Variants in RBFOX1 observed in about 807,000 individuals in gnomAD.
RBFOX1 encodes RNA binding protein fox-1 homolog 1.
RBFOX1 carries 8 observed loss-of-function variants against 57.7 expected under a neutral mutation model. The observed-to-expected ratio is 0.14, with a 90% CI of 0.08 to 0.25. The LOEUF is 0.25. RBFOX1 is among the 10% of genes least tolerant of loss of function. The probability of loss-of-function intolerance (pLI) is 1.00; values close to 1 mark genes in which losing one functional copy is unlikely to be tolerated. For missense variants in RBFOX1, 611 were observed against 548.5 expected, an observed-to-expected ratio of 1.11 and a Z score of -1.14; for synonymous variants, 326 against 222.4, an observed-to-expected ratio of 1.47 and a Z score of -4.15.
At chr16:6,632,367 G>A (rs1486344157) in intron 2 of RBFOX1, among the ~76,000 whole-genome samples, 1 of 152,056 alleles carries the variant, frequency 6.6e-6, no homozygotes, top group Non-Finnish European at 1.5e-5. Flanking sequence ...ACTTGTTGGA[G>A]AAACAAAAGG....
At chr16:7,574,250 G>C (rs2093085744) in intron 5 of RBFOX1, among the ~76,000 whole-genome samples, 1 of 152,138 alleles carries the variant, frequency 6.6e-6, no homozygotes, top group Non-Finnish European at 1.5e-5. Flanking sequence ...GCTGGAGAGA[G>C]GAAGACTTAA....
rs577941453 is a variant in RBFOX1, at chr16:7,083,484, C to G, written c.27+31386C>G. On this transcript the variant is annotated intron_variant, in intron 4 of 15. Coordinates refer to ENST00000550418, the MANE Select transcript of RBFOX1 (RefSeq NM_018723.4). ...TAAAAAAACAAGAAATGACACATAC[C>G]AATCCACTGGTGTATCAGAGGCCAT... is the stretch of plus-strand genomic sequence containing the variant. 2.6e-5 allele frequency among the ~76,000 whole-genome samples: 4 copies of G among 152,038 alleles called. No homozygotes were observed. In the East Asian group the frequency reaches 7.8e-4, roughly 30 times the overall value.
intron 4 of RBFOX1, among the ~76,000 whole-genome samples, chr16:7,213,599 A>T (rs776490103): frequency 1.3e-5 from 2 of 151,670 alleles, no homozygotes; most frequent in East Asian, 1.9e-4. Context: ...ATTCCCTTGG[A>T]GTATGATGGG....
intron 1 of RBFOX1, among the ~76,000 whole-genome samples, chr16:6,297,770 A>C (rs1189092397): frequency 6.6e-6 from 1 of 152,152 alleles, no homozygotes; most frequent in East Asian, 1.9e-4. Flanking sequence ...GGCATGGCAG[A>C]AAGAAGAGAG....
At chr16:5,363,972 C>T (rs2065631953) in intron 1 of RBFOX1, among the ~76,000 whole-genome samples, 1 of 152,202 alleles carries the variant, frequency 6.6e-6, no homozygotes, top group Non-Finnish European at 1.5e-5. Context: ...TCAGATCCTT[C>T]ATCCAGTGTG....
intron 3 of RBFOX1, among the ~76,000 whole-genome samples, chr16:7,006,160 A>T (rs945146910): frequency 8.6e-4 from 130 of 150,812 alleles, no homozygotes; most frequent in African/African-American, 2.4e-3. Context: ...TTATTTATTT[A>T]TTTTTTTTTG....
chr16:5,440,332 G>A (rs2068046607), intron 1 of RBFOX1, among the ~76,000 whole-genome samples: 1 of 152,058 alleles, frequency 6.6e-6, no homozygotes, highest in Admixed American at 6.6e-5. Context: ...CTTCAACTTT[G>A]ACTAGAAAGA....
At chr16:6,834,982 T>C (rs993365519) in intron 3 of RBFOX1, among the ~76,000 whole-genome samples, 11 of 150,718 alleles carry the variant, frequency 7.3e-5, no homozygotes, top group Admixed American at 3.3e-4. Flanking sequence ...AAGCTTCATC[T>C]CCCAGGTTCA....
At chr16:7,004,340 A>C (rs769991467) in intron 3 of RBFOX1, among the ~76,000 whole-genome samples, 1 of 152,160 alleles carries the variant, frequency 6.6e-6, no homozygotes, top group African/African-American at 2.4e-5. Context: ...TAAACTCCTC[A>C]ACATCAGGGT....
intron 2 of RBFOX1, among the ~76,000 whole-genome samples, chr16:6,624,600 A>C (rs375551756): frequency 1.3e-5 from 2 of 152,156 alleles, no homozygotes; most frequent in African/African-American, 4.8e-5. Context: ...ACTGTACCCT[A>C]AAAGTAGCCA....
chr16:7,240,400 G>A (rs1351645237), intron 4 of RBFOX1, among the ~76,000 whole-genome samples: 1 of 152,166 alleles, frequency 6.6e-6, no homozygotes, highest in East Asian at 1.9e-4. Flanking sequence ...GTGATCATCT[G>A]AAGCCCTTAC....
At chr16:6,241,686 G>C (rs569335933) in intron 1 of RBFOX1, among the ~76,000 whole-genome samples, 1 of 152,294 alleles carries the variant, frequency 6.6e-6, no homozygotes, top group Admixed American at 6.5e-5. Flanking sequence ...CACTGATACT[G>C]AGGAAATAAA....
intron 1 of RBFOX1, among the ~76,000 whole-genome samples, chr16:5,408,009 C>T (rs572451948): frequency 6.6e-6 from 1 of 152,242 alleles, no homozygotes; most frequent in African/African-American, 2.4e-5. Flanking sequence ...GGCTTTGTGT[C>T]CTCCACCTCC....
chr16:6,914,306 G>A (rs974238520), intron 3 of RBFOX1, among the ~76,000 whole-genome samples: 5 of 152,118 alleles, frequency 3.3e-5, no homozygotes, highest in African/African-American at 1.2e-4. Flanking sequence ...GGGCTAGGAG[G>A]GACCTTAGTG....
At chr16:7,122,352 A>G (rs1254666473) in intron 4 of RBFOX1, among the ~76,000 whole-genome samples, 1 of 152,192 alleles carries the variant, frequency 6.6e-6, no homozygotes, top group Non-Finnish European at 1.5e-5. Flanking sequence ...TTGAATAGTC[A>G]CTTCACTTAG....
chr16:6,269,996 A>G (rs377447845), intron 1 of RBFOX1, among the ~76,000 whole-genome samples: 5 of 152,150 alleles, frequency 3.3e-5, no homozygotes, highest in African/African-American at 9.6e-5. Context: ...CTTCATTCAA[A>G]CTGGTGAAAA....
chr16:6,665,707 A>T (rs2098728303), intron 3 of RBFOX1, among the ~76,000 whole-genome samples: 1 of 151,968 alleles, frequency 6.6e-6, no homozygotes, highest in Non-Finnish European at 1.5e-5. Flanking sequence ...GAAAATAAAT[A>T]ATAATAATAA....
Position 6,509,713 on chromosome 16 carries a change from A to T in RBFOX1, c.-63-144890A>T, listed in dbSNP as rs968264751. 1.5e-4 allele frequency among the ~76,000 whole-genome samples: 23 copies of T among 152,232 alleles called. 1 individual carries two copies. The highest frequency in any genetic ancestry group is 1.2e-4 in the Non-Finnish European group (8 of 68,046). On this transcript the variant is annotated intron_variant, in intron 2 of 15. Transcript: ENST00000550418. ...AATCGGATTGTTTGCAGCACAAAAG[A>T]TTAAATGCTTAAGGAGATGGAGACC... is the stretch of plus-strand genomic sequence containing the variant.
intron 2 of RBFOX1, among the ~76,000 whole-genome samples, chr16:6,648,028 G>T (rs779496133): frequency 3.3e-5 from 5 of 152,038 alleles, no homozygotes; most frequent in Non-Finnish European, 7.4e-5. Context: ...TTTTAGTAGA[G>T]ACAGGGGTTT....
Sources: gnomAD v4.1 joint callset for allele counts (sites outside exome capture counted in the v4.1 genomes callset) on GRCh38, gnomAD v4.1.1 for gene constraint, MANE v1.5 for transcripts, NCBI Gene and HGNC (gene_info 2026-07-23, HGNC 2026-07-21) for gene names.